OBP2A: variants seen among roughly 807,000 people sequenced by gnomAD.
The protein encoded by OBP2A is odorant binding protein 2A.
OBP2A carries 15 observed loss-of-function variants against 21.9 expected under a neutral mutation model. The ratio of observed to expected loss-of-function variants is 0.69; its 90% confidence interval spans 0.46 to 1.06. OBP2A has a LOEUF of 1.06. Ranked by LOEUF, OBP2A falls within the 50% of genes least tolerant of loss-of-function variation. OBP2A has a pLI of 0.00. For synonymous variants in OBP2A, 86 were observed against 91.8 expected (o/e 0.94, Z 0.36); for missense variants, 192 against 220.1 (o/e 0.87, Z 0.81).
At position 135,548,012 on chromosome 9, in the gene OBP2A, G is replaced by GC. The variant is rs777316862; in HGVS notation, c.388+35dup. On this transcript the variant is annotated intron_variant, in intron 4 of 6. Transcript: ENST00000371776. ...GGGCCCGCTGGGGCCTGCATGTCCT[G>GC]CCCCATGGTCTCTGCCTCCAGAAGC... 81 of 1,491,958 alleles carry GC rather than the reference G, an allele frequency of 5.4e-5. 1 individual carries two copies. The African/African-American group carries it at 9.3e-4, about 17-fold the overall frequency. 92.4% of individuals were successfully genotyped at this position (1,491,958 alleles called of 1,614,324 possible). A position where few individuals can be genotyped will look rare whatever the true frequency, so the allele number is the denominator to read the frequency against.
chr9:135,547,372 G>A, intron 3 of OBP2A, 124 bp downstream of exon 3: 1 of 1,124,362 alleles, frequency 8.9e-7, no homozygotes, highest in Non-Finnish European at 1.3e-6. Context: ...TCCAAGGAGG[G>A]GCTGGCCTCT....
In OBP2A at chr9:135,546,758, A is replaced by G; in HGVS notation, c.73-20A>G. ...AATCTGGGCCACCCATGGTGGGCTC[A>G]CGGCCTTGGCCTGCTCCAGATCACA... On this transcript the variant is annotated intron_variant, in intron 1 of 6. Transcript: ENST00000371776. 1 of 1,589,658 alleles carries G rather than the reference A, an allele frequency of 6.3e-7. No individual in the cohort carries two copies. The highest frequency in any genetic ancestry group is 8.6e-7 in the Non-Finnish European group (1 of 1,165,056).
In OBP2A at chr9:135,549,341, C is replaced by T. The variant is rs891026075; in HGVS notation, c.*1+10C>T. Reference sequence around the variant, plus strand: ...GTTCTCGAACACTAGGGTGAGTGAGCCTTTAGGAGGGCACTGGACAAGCCC... The same window carrying T: ...GTTCTCGAACACTAGGGTGAGTGAGTCTTTAGGAGGGCACTGGACAAGCCC... On this transcript the variant is annotated intron_variant, in intron 6 of 6. Coordinates refer to ENST00000371776, the MANE Select transcript of OBP2A (RefSeq NM_014582.3). 1.3e-6 allele frequency: 2 copies of T among 1,498,816 alleles called. No homozygotes were observed. The highest frequency in any genetic ancestry group is 2.3e-5 in the South Asian group (2 of 88,072). 92.8% of individuals were successfully genotyped at this position (1,498,816 alleles called of 1,614,324 possible). A position where few individuals can be genotyped will look rare whatever the true frequency, so the allele number is the denominator to read the frequency against.
intron 4 of OBP2A, 125 bp downstream of exon 4, chr9:135,548,106 G>A (rs1421733597): frequency 9.0e-6 from 6 of 668,494 alleles, no homozygotes; most frequent in Non-Finnish European, 1.5e-5. Flanking sequence ...GCCTTCGTGT[G>A]CTAGGCACCA....
rs1588162235 is a variant in OBP2A at position 135,546,877 on chromosome 9, G to T, written c.172G>T (p.Gly58Cys). 1 of 1,613,820 alleles carries T rather than the reference G, an allele frequency of 6.2e-7. No homozygotes were observed. The highest frequency in any genetic ancestry group is 2.2e-5 in the East Asian group (1 of 44,870). Residue 58 changes from glycine (G) to cysteine (C), a missense_variant, in exon 2 of 7, where the codon GGC becomes TGC. Physicochemically the swap from Gly to Cys is radical, Grantham distance 159 (BLOSUM62 -3). Transcript: ENST00000371776. ...GTCCCCAGTGAAGGTGACAGCCCTGGGCGGTGGGAACTTGGAAGCCACGTT... is the reference window on the plus strand; with the variant it reads ...GTCCCCAGTGAAGGTGACAGCCCTGTGCGGTGGGAACTTGGAAGCCACGTT... ...KVSPVKVTAL[G>C]GGNLEATFTF...
In OBP2A at chr9:135,546,823, T is replaced by C; in HGVS notation, c.118T>C (p.Phe40Leu). The part of the protein sequence containing the change: ...YVKAMVVDKD[F>L]PEDRRPRKVS... The stretch of plus-strand genomic sequence containing the variant: ...GAAGGCCATGGTGGTCGATAAGGAC[T>C]TTCCGGAGGACAGGAGGCCCAGGAA... The change falls in exon 2 of 7, where the codon TTT (phenylalanine) becomes CTT (leucine). Residue 40 changes from phenylalanine (F) to leucine (L), a missense_variant. Phe to Leu is a conservative substitution (Grantham distance 22). Coordinates refer to ENST00000371776, the MANE Select transcript of OBP2A (RefSeq NM_014582.3). The C allele has an allele frequency of 6.2e-7, 1 of 1,613,298 alleles. No homozygotes were observed. The highest frequency in any genetic ancestry group is 2.2e-5 in the East Asian group (1 of 44,822).
chr9:135,548,902 CATTCCCCGT>C, intron 5 of OBP2A, 93 bp downstream of exon 5: 1 of 1,328,010 alleles, frequency 7.5e-7, no homozygotes, highest in African/African-American at 1.5e-5. Flanking sequence ...ATGTCCCCCG[CATTCCCCGT>C]GTGCCCCGAG....
At position 135,547,996 on chromosome 9, in the gene OBP2A, G is replaced by A; in HGVS notation, c.388+15G>A. 2 of 1,570,200 alleles carry A rather than the reference G, an allele frequency of 1.3e-6. No individual in the cohort carries two copies. Among genetic ancestry groups the A allele is most frequent in the East Asian group, 2.2e-5 (1 of 44,560 alleles). The stretch of plus-strand genomic sequence containing the variant: ...AAAGCTTGTGGGTGAGGGGCCCGCT[G>A]GGGCCTGCATGTCCTGCCCCATGGT... On this transcript the variant is annotated intron_variant, in intron 4 of 6. Transcript: ENST00000371776.
intron 4 of OBP2A, 152 bp from the exon 5 acceptor site, chr9:135,548,556 T>C (rs1005026429): frequency 1.9e-5 from 21 of 1,081,098 alleles, no homozygotes; most frequent in East Asian, 7.8e-5. Flanking sequence ...TTGCCATCTC[T>C]TCTGTCCCCA....
intron 3 of OBP2A, 28 bp downstream of exon 3, chr9:135,547,276 C>G: frequency 6.8e-6 from 11 of 1,610,064 alleles, no homozygotes; most frequent in Non-Finnish European, 9.3e-6. Context: ...CCCCCACTCC[C>G]CATGCCCAAC....
In OBP2A at chr9:135,546,833, A is replaced by T; in HGVS notation, c.128A>T (p.Asp43Val). The stretch of plus-strand genomic sequence containing the variant: ...GTGGTCGATAAGGACTTTCCGGAGG[A>T]CAGGAGGCCCAGGAAGGTGTCCCCA... ...AMVVDKDFPEDRRPRKVSPVK... is the reference protein window; with the variant it reads ...AMVVDKDFPEVRRPRKVSPVK... The change falls in exon 2 of 7, where the codon GAC becomes GTC. Residue 43 changes from aspartate (D) to valine (V), a missense_variant. Transcript: ENST00000371776. 6.2e-7 allele frequency: 1 copy of T among 1,613,336 alleles called. No homozygotes were observed. Among genetic ancestry groups the T allele is most frequent in the Non-Finnish European group, 8.5e-7 (1 of 1,179,568 alleles).
chr9:135,549,072 CGCTCTGGGCTGCGATGG>C, intron 5 of OBP2A, among the ~76,000 whole-genome samples: 1 of 28,256 alleles, frequency 3.5e-5, no homozygotes, highest in African/African-American at 1.4e-4. Context: ...TGGGGCTCCG[CGCTCTGGGCTGCGATGG>C]GGTCTGGGGC....
At position 135,546,671 on chromosome 9, in the gene OBP2A, G is replaced by A. The variant is rs4006719; in HGVS notation, c.73-107G>A. ...AGGAACCCAGCCTGCCTTTAGGGGT[G>A]GCAGCCGGGCACCATGGGTGTCTGG... On this transcript the variant is annotated intron_variant, in intron 1 of 6. Coordinates refer to ENST00000371776, the MANE Select transcript of OBP2A (RefSeq NM_014582.3). 875 of 1,516,318 alleles carry A rather than the reference G, an allele frequency of 5.8e-4. 1 individual carries two copies. The highest frequency in any genetic ancestry group is 4.3e-3 in the Middle Eastern group (18 of 4,190). 93.9% of individuals were successfully genotyped at this position (1,516,318 alleles called of 1,614,324 possible).
chr9:135,548,079 G>A, intron 4 of OBP2A, 98 bp downstream of exon 4: 1 of 862,514 alleles, frequency 1.2e-6, no homozygotes. Context: ...GGGGGGAAAA[G>A]GAAGCCCCCT....
intron 4 of OBP2A, 134 bp downstream of exon 4, chr9:135,548,115 C>T (rs891881138): frequency 1.6e-5 from 10 of 621,946 alleles, no homozygotes; most frequent in Non-Finnish European, 2.2e-5. Context: ...TGCTAGGCAC[C>T]AAGCGCTGCC....
In OBP2A at chr9:135,549,323, A is replaced by G. The variant is rs748567957; in HGVS notation, c.506A>G (p.Glu169Gly). The change falls in exon 6 of 7, where the codon GAA (glutamate) becomes GGA (glycine). Residue 169 changes from glutamate (E) to glycine (G), a missense_variant. Transcript: ENST00000371776. ...GTCTCTGCAGGAAGCTGCGTTCTCG[A>G]ACACTAGGGTGAGTGAGCCTTTAGG... is the stretch of plus-strand genomic sequence containing the variant. ...MPLQTGSCVL[E>G]H 39 of 1,507,832 alleles carry G rather than the reference A, an allele frequency of 2.6e-5. 5 individuals carry two copies. In the South Asian group the frequency reaches 4.1e-4, roughly 16 times the overall value. 93.4% of individuals were successfully genotyped at this position (1,507,832 alleles called of 1,614,324 possible).
In OBP2A at chr9:135,549,456, G is replaced by A. The variant is rs1296853480; in HGVS notation, c.*1+125G>A. On this transcript the variant is annotated intron_variant, in intron 6 of 6. Transcript: ENST00000371776. ...GGGAGACCCCCCCAGGGTCAGGCACGAGGTTGGCACCTCAGAGTCTGCCCA... is the reference window on the plus strand; with the variant it reads ...GGGAGACCCCCCCAGGGTCAGGCACAAGGTTGGCACCTCAGAGTCTGCCCA... 11 of 933,984 alleles carry A rather than the reference G, an allele frequency of 1.2e-5. 1 individual carries two copies. Among genetic ancestry groups the A allele is most frequent in the South Asian group, 1.1e-4 (7 of 64,882 alleles). 57.9% of individuals were successfully genotyped at this position (933,984 alleles called of 1,614,324 possible).
chr9:135,547,016 A>G (rs1588162403), intron 2 of OBP2A, 105 bp downstream of exon 2: 1 of 1,577,932 alleles, frequency 6.3e-7, no homozygotes, highest in Non-Finnish European at 8.6e-7. Flanking sequence ...GGGAAGAGTC[A>G]CCCCCTGCCT....
Position 135,546,802 on chromosome 9 carries a change from G to C in OBP2A, c.97G>C (p.Ala33Pro). Residue 33 changes from alanine to proline, a missense_variant, in exon 2 of 7, where the codon GCC becomes CCC. By Grantham distance (27) the Ala-to-Pro change is conservative. Transcript: ENST00000371776. ...GATCACAGGGACCTGGTACGTGAAG[G>C]CCATGGTGGTCGATAAGGACTTTCC... ...EDITGTWYVKAMVVDKDFPED... is the reference protein window; with the variant it reads ...EDITGTWYVKPMVVDKDFPED... The C allele has an allele frequency of 6.2e-7, 1 of 1,612,748 alleles. No homozygotes were observed. The highest frequency in any genetic ancestry group is 8.5e-7 in the Non-Finnish European group (1 of 1,179,252).
Sources: allele counts gnomAD v4.1 joint callset (sites outside exome capture counted in the v4.1 genomes callset), GRCh38; gene constraint gnomAD v4.1.1; transcripts MANE v1.5; gene names NCBI Gene and HGNC (gene_info 2026-07-23, HGNC 2026-07-21).